Variants in UTP25 observed in about 807,000 individuals in gnomAD.
UTP25 encodes U3 small nucleolar RNA-associated protein 25 homolog.
Under a neutral mutation model 78.9 loss-of-function variants are expected in UTP25, and 50 were observed. That is an observed-to-expected ratio of 0.63 (90% CI 0.50 to 0.80). The LOEUF (loss-of-function observed/expected upper bound fraction) is 0.80. Ranked by LOEUF, UTP25 falls within the 30% of genes least tolerant of loss-of-function variation. The pLI is 0.00. For synonymous variants in UTP25, 329 were observed against 336.5 expected, an observed-to-expected ratio of 0.98 and a Z score of 0.24; for missense variants, 846 against 911.3, an observed-to-expected ratio of 0.93 and a Z score of 0.92.
intron 11 of UTP25, among the ~76,000 whole-genome samples, chr1:209,848,669 G>C (rs1456293482): frequency 6.6e-6 from 1 of 152,138 alleles, no homozygotes; most frequent in African/African-American, 2.4e-5. Context: ...ATCTTCTCCT[G>C]AATTCATAGA....
chr1:209,835,845 A>G (rs1219347553), intron 5 of UTP25, among the ~76,000 whole-genome samples: 10 of 152,234 alleles, frequency 6.6e-5, no homozygotes, highest in South Asian at 4.1e-4. Context: ...CAGGAAACTG[A>G]CATTGATATA....
Position 209,841,026 on chromosome 1 carries a change from T to C in UTP25, c.1456T>C (p.Tyr486His). Residue 486 changes from tyrosine to histidine, a missense_variant, in exon 8 of 12, where the codon TAC becomes CAC. Transcript: ENST00000491415. ...TCTCATCATTGATCAAGCTGACATT[T>C]ACCTGATGCAGAACTGGGAGCATGT... ...ELLIIDQADIYLMQNWEHVLH... is the reference protein window; with the variant it reads ...ELLIIDQADIHLMQNWEHVLH... The C allele has an allele frequency of 6.2e-7, 1 of 1,614,054 alleles. No individual in the cohort carries two copies.
rs1441898313 is a variant in UTP25, at chr1:209,857,182, G to A, written c.*5735G>A. 1 of 151,926 alleles carries A rather than the reference G, an allele frequency of 6.6e-6. No homozygotes were observed. Among genetic ancestry groups the A allele is most frequent in the African/African-American group, 2.4e-5 (1 of 41,334 alleles). The allele number at this position is 151,926 out of a possible 1,614,324, so 9.4% of individuals were successfully genotyped here. A position where few individuals can be genotyped will look rare whatever the true frequency, so the allele number is the denominator to read the frequency against. ...CTTTTCTAATCATCTCTGATTGTTA[G>A]AAACACTGTGAAACTTTTATCCATC... On this transcript the variant is annotated 3_prime_UTR_variant, in exon 12 of 12. Transcript: ENST00000491415.
chr1:209,828,316 C>T, intron 1 of UTP25, 146 bp downstream of exon 1: 1 of 649,838 alleles, frequency 1.5e-6, no homozygotes, highest in Non-Finnish European at 2.6e-6. Flanking sequence ...CTGGCGCCAT[C>T]CCGCCGGGAG....
At chr1:209,844,292 C>G (rs1317212247) in intron 11 of UTP25, 1 of 152,192 alleles carries the variant, frequency 6.6e-6, no homozygotes, top group Non-Finnish European at 1.5e-5. Context: ...GATTTCCTAC[C>G]AGGTGACTTT....
rs1463158590 is a variant in UTP25, at chr1:209,843,445, A to T, written c.1782-6A>T. On this transcript the variant is annotated splice_region_variant and splice_polypyrimidine_tract_variant and intron_variant, in intron 10 of 11. Coordinates refer to ENST00000491415, the MANE Select transcript of UTP25 (RefSeq NM_014388.7). ...ATTAATTTTGCCCTTTGCCATTCCA[A>T]ATCAGGTTTAACTTTTTTGTGAACA... 6.2e-7 allele frequency: 1 copy of T among 1,613,228 alleles called. No homozygotes were observed. The highest frequency in any genetic ancestry group is 8.5e-7 in the Non-Finnish European group (1 of 1,179,508).
chr1:209,841,193 T>C, intron 8 of UTP25, 138 bp downstream of exon 8: 5 of 884,554 alleles, frequency 5.7e-6, no homozygotes, highest in Non-Finnish European at 8.5e-6. Context: ...ACTCCACATT[T>C]TCTAATTTGA....
intron 1 of UTP25, among the ~76,000 whole-genome samples, chr1:209,828,401 A>AATTT (rs749158690): frequency 7.3e-6 from 1 of 136,404 alleles, no homozygotes; most frequent in Non-Finnish European, 1.5e-5. Flanking sequence ...GTGGGGGAGG[A>AATTT]TTTTTTTTTT....
At chr1:209,842,511 TAGA>T (rs752740630) in intron 9 of UTP25, 64 bp downstream of exon 9, 1 of 1,611,236 alleles carries the variant, frequency 6.2e-7, no homozygotes, top group Non-Finnish European at 8.5e-7. Context: ...GGTCCTGAGG[TAGA>T]AGGAGGCGAT....
At chr1:209,839,795 C>T (rs533864516) in intron 7 of UTP25, among the ~76,000 whole-genome samples, 1 of 152,226 alleles carries the variant, frequency 6.6e-6, no homozygotes, top group East Asian at 1.9e-4. Flanking sequence ...AGTTATAGTT[C>T]CCATTGCTAA....
chr1:209,828,728 A>G (rs1237589808), intron 1 of UTP25, among the ~76,000 whole-genome samples: 1 of 148,276 alleles, frequency 6.7e-6, no homozygotes, highest in Non-Finnish European at 1.5e-5. Context: ...TTGTGTGGTC[A>G]GAGATCTAGG....
intron 9 of UTP25, 35 bp from the exon 10 acceptor site, chr1:209,842,548 G>GCTC: frequency 6.2e-7 from 1 of 1,610,984 alleles, no homozygotes; most frequent in Non-Finnish European, 8.5e-7. Flanking sequence ...GAAGGGGATG[G>GCTC]CTGTCCACCT....
At chr1:209,847,523 T>C (rs2078205758) in intron 11 of UTP25, among the ~76,000 whole-genome samples, 1 of 152,332 alleles carries the variant, frequency 6.6e-6, no homozygotes, top group South Asian at 2.1e-4. Flanking sequence ...ATAGCACCAT[T>C]ATCATGCTAC....
intron 7 of UTP25, among the ~76,000 whole-genome samples, chr1:209,840,194 A>C (rs1558054338): frequency 6.6e-6 from 1 of 152,254 alleles, no homozygotes; most frequent in Non-Finnish European, 1.5e-5. Flanking sequence ...CAGGAAAAAG[A>C]TATGGGCTGG....
At chr1:209,836,680 G>A in intron 5 of UTP25, 121 bp from the exon 6 acceptor site, 2 of 1,084,570 alleles carry the variant, frequency 1.8e-6, no homozygotes, top group Non-Finnish European at 2.6e-6. Flanking sequence ...TTGCAGGGCT[G>A]TTGTGAGGAT....
chr1:209,828,270 A>G, intron 1 of UTP25, 100 bp downstream of exon 1: 1 of 878,966 alleles, frequency 1.1e-6, no homozygotes, highest in Non-Finnish European at 1.8e-6. Flanking sequence ...TTTTCCCACT[A>G]TTCCCTGGCT....
rs767382027 is a variant in UTP25 at position 209,830,798 on chromosome 1, T to A, written c.148-5T>A. The A allele has an allele frequency of 5.0e-6, 8 of 1,611,250 alleles. No homozygotes were observed. Among genetic ancestry groups the A allele is most frequent in the Non-Finnish European group, 6.8e-6 (8 of 1,178,822 alleles). On this transcript the variant is annotated splice_region_variant and splice_polypyrimidine_tract_variant and intron_variant, in intron 2 of 11. Coordinates refer to ENST00000491415, the MANE Select transcript of UTP25 (RefSeq NM_014388.7). ...TTGTTCTTAAAATTCTCCTTTTCCTTTTAGTCAGAGAGTTCAGATTCTTCA... is the reference window on the plus strand; with the variant it reads ...TTGTTCTTAAAATTCTCCTTTTCCTATTAGTCAGAGAGTTCAGATTCTTCA...
chr1:209,847,025 G>GTGCA (rs1558056536), intron 11 of UTP25, among the ~76,000 whole-genome samples: 2 of 151,866 alleles, frequency 1.3e-5, no homozygotes, highest in African/African-American at 4.8e-5. Context: ...ATGCACACGT[G>GTGCA]CACACACACA....
chr1:209,837,893 C>G (rs573122258), intron 6 of UTP25, among the ~76,000 whole-genome samples: 4 of 152,190 alleles, frequency 2.6e-5, no homozygotes, highest in Non-Finnish European at 5.9e-5. Flanking sequence ...ATTGAAGAAG[C>G]CTCATCTTTT....
Sources: gnomAD v4.1 joint callset for allele counts (sites outside exome capture counted in the v4.1 genomes callset) on GRCh38, gnomAD v4.1.1 for gene constraint, MANE v1.5 for transcripts, NCBI Gene and HGNC (gene_info 2026-07-23, HGNC 2026-07-21) for gene names.